The following SLC6A3 variants were observed in gnomAD, a reference collection of about 807,000 sequenced individuals.
SLC6A3 encodes the protein sodium-dependent dopamine transporter.
In SLC6A3, 19 loss-of-function variants were observed where a neutral mutation model predicts 70.4. That is an observed-to-expected ratio of 0.27 (90% CI 0.19 to 0.40). The LOEUF is 0.40. Among genes scored for constraint, SLC6A3 ranks in the 10% least tolerant of loss-of-function variants. SLC6A3 has a pLI of 1.00. For missense variants in SLC6A3, 613 were observed against 838.5 expected, an observed-to-expected ratio of 0.73 and a Z score of 3.32; for synonymous variants, 368 against 356.6, an observed-to-expected ratio of 1.03 and a Z score of -0.36.
intron 7 of SLC6A3, among the ~76,000 whole-genome samples, 166 bp from the exon 8 acceptor site, chr5:1,414,981 T>C (rs1429444091): frequency 6.6e-6 from 1 of 152,170 alleles, no homozygotes; most frequent in Non-Finnish European, 1.5e-5. Context: ...CTGGCAGAGC[T>C]GTCCTTGGGC....
chr5:1,417,750 C>G (rs192205554), intron 6 of SLC6A3, among the ~76,000 whole-genome samples: 2 of 152,186 alleles, frequency 1.3e-5, no homozygotes, highest in Non-Finnish European at 2.9e-5. Flanking sequence ...ATTTGAGGGA[C>G]TGGTCAGTTA....
rs1320599492 is a variant in SLC6A3 at position 1,405,636 on chromosome 5, A to G, written c.1599+552T>C. ...TGAAAGTGTGCGGCCACCTTCCAACAAAACTCTATTTACAAACACCAGCGT... is the reference window on the plus strand; with the variant it reads ...TGAAAGTGTGCGGCCACCTTCCAACGAAACTCTATTTACAAACACCAGCGT... On this transcript the variant is annotated intron_variant, in intron 12 of 14. Transcript: ENST00000270349. The surrounding 1 kb of genome is among the most constrained non-coding windows in gnomAD (Gnocchi z 5.3). 1.3e-5 allele frequency among the ~76,000 whole-genome samples: 2 copies of G among 152,130 alleles called. No individual in the cohort carries two copies. The highest frequency in any genetic ancestry group is 2.9e-5 in the Non-Finnish European group (2 of 68,030).
intron 4 of SLC6A3, among the ~76,000 whole-genome samples, chr5:1,423,878 G>A (rs1016009865): frequency 6.6e-6 from 1 of 152,228 alleles, no homozygotes; most frequent in Non-Finnish European, 1.5e-5. Flanking sequence ...CCACTGCCCA[G>A]GTTTGCTTCT....
At position 1,402,313 on chromosome 5, in the gene SLC6A3, C is replaced by T. The variant is rs1755868723; in HGVS notation, c.1767+609G>A. On this transcript the variant is annotated intron_variant, in intron 13 of 14. Coordinates refer to ENST00000270349, the MANE Select transcript of SLC6A3 (RefSeq NM_001044.5). This position sits in a 1 kb window ranked among gnomAD's most constrained non-coding sequence, Gnocchi z 8.5. ...AGGGCCCTGTGACTGGTCCACCTGC[C>T]TTTCTTCTACACAAAGGCGGCAAAA... Among the ~76,000 whole-genome samples the T allele has an allele frequency of 6.6e-6, 1 of 151,582 alleles. No homozygotes were observed. Among genetic ancestry groups the T allele is most frequent in the African/African-American group, 2.4e-5 (1 of 41,186 alleles).
chr5:1,444,442 ACACT>A (rs1357845914), intron 1 of SLC6A3, among the ~76,000 whole-genome samples: 19 of 152,042 alleles, frequency 1.2e-4, no homozygotes, highest in African/African-American at 3.6e-4. Context: ...ACACACATAC[ACACT>A]CACACTCACA....
Position 1,397,984 on chromosome 5 carries a change from A to G in SLC6A3, c.1839+2931T>C, listed in dbSNP as rs968545002. Among the ~76,000 whole-genome samples the G allele has an allele frequency of 6.6e-6, 1 of 152,240 alleles. No individual in the cohort carries two copies. Among genetic ancestry groups the G allele is most frequent in the South Asian group, 2.1e-4 (1 of 4,834 alleles). ...CAGTAGGAGGAAGATTTAAGTCCTT[A>G]TAATGGGATGGGGTTAAAATATGGT... On this transcript the variant is annotated intron_variant, in intron 14 of 14. Coordinates refer to ENST00000270349, the MANE Select transcript of SLC6A3 (RefSeq NM_001044.5). This position sits in a 1 kb window ranked among gnomAD's most constrained non-coding sequence, Gnocchi z 4.7.
chr5:1,436,733 T>C lies in SLC6A3; in HGVS notation c.419-4035A>G, dbSNP rs942530618. On this transcript the variant is annotated intron_variant, in intron 3 of 14. Coordinates refer to ENST00000270349, the MANE Select transcript of SLC6A3 (RefSeq NM_001044.5). This position sits in a 1 kb window ranked among gnomAD's most constrained non-coding sequence, Gnocchi z 5.2. ...TGCCCTTGGCAATGAAACCGAAACC[T>C]GACAAACAGAAGCTGGCTGAGGGTC... is the stretch of plus-strand genomic sequence containing the variant. Among the ~76,000 whole-genome samples the C allele has an allele frequency of 2.0e-5, 3 of 152,138 alleles. No homozygotes were observed. Among genetic ancestry groups the C allele is most frequent in the Non-Finnish European group, 2.9e-5 (2 of 68,012 alleles).
intron 1 of SLC6A3, among the ~76,000 whole-genome samples, chr5:1,443,634 T>C (rs1733734410): frequency 6.6e-6 from 1 of 152,242 alleles, no homozygotes. Flanking sequence ...CTAAGAGCAT[T>C]CAATAATGTC....
intron 14 of SLC6A3, among the ~76,000 whole-genome samples, chr5:1,400,047 C>T (rs997635715): frequency 3.9e-5 from 6 of 152,208 alleles, no homozygotes; most frequent in Non-Finnish European, 7.3e-5. Context: ...GAGGCAGGTC[C>T]GAGGTGGGGC....
In SLC6A3 at chr5:1,404,032, T is replaced by TA. The variant is rs1430148033; in HGVS notation, c.1600-944dup. On this transcript the variant is annotated intron_variant, in intron 12 of 14. Transcript: ENST00000270349. The surrounding 1 kb of genome is among the most constrained non-coding windows in gnomAD (Gnocchi z 5.2). ...AGGACACAAGTGAAGCTCTGATAGA[T>TA]ATGGTTTATGATGTAGCTTAAAATG... Among the ~76,000 whole-genome samples, 2 of 152,280 alleles carry TA rather than the reference T, an allele frequency of 1.3e-5. No individual in the cohort carries two copies. The highest frequency in any genetic ancestry group is 1.5e-5 in the Non-Finnish European group (1 of 68,056).
rs929040412 is a variant in SLC6A3 at position 1,437,109 on chromosome 5, G to A, written c.418+4250C>T. The stretch of plus-strand genomic sequence containing the variant: ...TACTAAAAATACAAAAAATTAGCGG[G>A]GCGTGGTGGCACGCACCTGTAGCCC... On this transcript the variant is annotated intron_variant, in intron 3 of 14. Transcript: ENST00000270349. This position sits in a 1 kb window ranked among gnomAD's most constrained non-coding sequence, Gnocchi z 4.8. 1.3e-5 allele frequency among the ~76,000 whole-genome samples: 2 copies of A among 152,046 alleles called. No homozygotes were observed. Among genetic ancestry groups the A allele is most frequent in the African/African-American group, 4.8e-5 (2 of 41,392 alleles).
rs1383969212 is a variant in SLC6A3 at position 1,413,391 on chromosome 5, T to A, written c.1156+1300A>T. On this transcript the variant is annotated intron_variant, in intron 8 of 14. Coordinates refer to ENST00000270349, the MANE Select transcript of SLC6A3 (RefSeq NM_001044.5). This position sits in a 1 kb window ranked among gnomAD's most constrained non-coding sequence, Gnocchi z 7.1. ...AGCATGGAGTGGGCCCTTTCAGGTC[T>A]CTGAGCGTGTTCCTACCTGCGGTGC... Among the ~76,000 whole-genome samples the A allele has an allele frequency of 6.6e-6, 1 of 152,168 alleles. No individual in the cohort carries two copies. Among genetic ancestry groups the A allele is most frequent in the Non-Finnish European group, 1.5e-5 (1 of 68,020 alleles).
chr5:1,408,566 G>A lies in SLC6A3; in HGVS notation c.1498+460C>T, dbSNP rs537342401. On this transcript the variant is annotated intron_variant, in intron 11 of 14. Coordinates refer to ENST00000270349, the MANE Select transcript of SLC6A3 (RefSeq NM_001044.5). The surrounding 1 kb of genome is among the most constrained non-coding windows in gnomAD (Gnocchi z 6.4). The stretch of plus-strand genomic sequence containing the variant: ...GGTGGAAGTCCCAGGACACAGCTGG[G>A]GCAGCACAATGGGCCAGGAGCTGCA... Among the ~76,000 whole-genome samples the A allele has an allele frequency of 2.0e-5, 3 of 152,296 alleles. No homozygotes were observed. The highest frequency in any genetic ancestry group is 4.4e-5 in the Non-Finnish European group (3 of 68,018).
chr5:1,406,327 G>T lies in SLC6A3; in HGVS notation c.1499-39C>A. 1 of 1,534,672 alleles carries T rather than the reference G, an allele frequency of 6.5e-7. No homozygotes were observed. The highest frequency in any genetic ancestry group is 1.1e-5 in the South Asian group (1 of 89,500). On this transcript the variant is annotated intron_variant, in intron 11 of 14. Transcript: ENST00000270349. The surrounding 1 kb of genome is among the most constrained non-coding windows in gnomAD (Gnocchi z 8.8). ...GGTGGCATCAGTGTCCATCAGGGCA[G>T]CGCATTCCCCCGATGCTGGACACGT...
intron 6 of SLC6A3, 183 bp from the exon 7 acceptor site, chr5:1,416,384 C>A: frequency 1.5e-6 from 1 of 647,404 alleles, no homozygotes; most frequent in Non-Finnish European, 2.8e-6. Context: ...CCCTCCCGGG[C>A]CAGCGGCCTG....
At chr5:1,416,042 C>G in intron 7 of SLC6A3, 56 bp downstream of exon 7, 1 of 1,328,732 alleles carries the variant, frequency 7.5e-7, no homozygotes. Context: ...TTCTGGAAGT[C>G]AGCGACCTCT....
intron 1 of SLC6A3, 50 bp from the exon 2 acceptor site, chr5:1,443,292 C>T (rs1355481526): frequency 1.4e-6 from 2 of 1,419,586 alleles, no homozygotes; most frequent in African/African-American, 2.8e-5. Flanking sequence ...AACAATTCAG[C>T]AGCCAGGGCT....
chr5:1,410,567 C>A (rs556626585), intron 9 of SLC6A3, among the ~76,000 whole-genome samples: 1 of 152,190 alleles, frequency 6.6e-6, no homozygotes, highest in Non-Finnish European at 1.5e-5. Flanking sequence ...GACCCGCCAC[C>A]CCCAGCAGCT....
In SLC6A3 at chr5:1,438,721, C is replaced by T. The variant is rs753501820; in HGVS notation, c.418+2638G>A. Among the ~76,000 whole-genome samples, 1 of 152,192 alleles carries T rather than the reference C, an allele frequency of 6.6e-6. No homozygotes were observed. The highest frequency in any genetic ancestry group is 2.4e-5 in the African/African-American group (1 of 41,436). ...GAAGAGGTGATTTAACTTGCTCCAA[C>T]ACCAGGCTCACTGGCGGGAGTGGGG... On this transcript the variant is annotated intron_variant, in intron 3 of 14. Transcript: ENST00000270349. The surrounding 1 kb of genome is among the most constrained non-coding windows in gnomAD (Gnocchi z 6.5).
Sources: allele counts gnomAD v4.1 joint callset (sites outside exome capture counted in the v4.1 genomes callset), GRCh38; gene constraint gnomAD v4.1.1; non-coding constraint Gnocchi (gnomAD v3.1); transcripts MANE v1.5; gene names NCBI Gene and HGNC (gene_info 2026-07-23, HGNC 2026-07-21).